Variants in MAPK12 observed in about 807,000 individuals in gnomAD.
The protein encoded by MAPK12 is MAP kinase 12.
MAPK12 carries 49 observed loss-of-function variants against 49.1 expected under a neutral mutation model. That is an observed-to-expected ratio of 1.00 (90% CI 0.79 to 1.27). MAPK12 has a LOEUF of 1.27. Among genes scored for constraint, MAPK12 ranks in the 50% most tolerant of loss-of-function variants. MAPK12 has a pLI of 0.00. For missense variants in MAPK12, 554 were observed against 502.4 expected, an observed-to-expected ratio of 1.10 and a Z score of -0.98; for synonymous variants, 251 against 209.7, an observed-to-expected ratio of 1.20 and a Z score of -1.70.
chr22:50,256,251 A>G, intron 6 of MAPK12, 52 bp from the exon 7 acceptor site: 1 of 1,420,444 alleles, frequency 7.0e-7, no homozygotes, highest in African/African-American at 1.4e-5. Flanking sequence ...AGGAGCGGAC[A>G]GGCCACCCAC....
intron 2 of MAPK12, 118 bp downstream of exon 2, chr22:50,261,049 C>A (rs1601647346): frequency 1.3e-5 from 4 of 296,738 alleles, no homozygotes; most frequent in Admixed American, 1.1e-4. Flanking sequence ...CACGGCCCGA[C>A]CCCCGCCCGG....
chr22:50,255,511 G>A lies in MAPK12; in HGVS notation c.792C>T (p.Gly264=), dbSNP rs1569141600. Residue 264 remains glycine (G), a synonymous_variant, in exon 10 of 12, where the codon GGC becomes GGT. Coordinates refer to ENST00000215659, the MANE Select transcript of MAPK12 (RefSeq NM_002969.6). ...AATCCTTCTTCTCCAATTCGGGGAG[G>A]CCCTTCATGTAGTTCTTGGCCTGTG... ...QSDEAKNYMK[G]LPELEKKDFA... is the part of the protein sequence containing the mutation. 1.9e-6 allele frequency: 3 copies of A among 1,613,190 alleles called. No homozygotes were observed. In the South Asian group the frequency reaches 3.3e-5, roughly 18 times the overall value.
At chr22:50,257,289 C>A in intron 3 of MAPK12, 96 bp from the exon 4 acceptor site, 1 of 894,582 alleles carries the variant, frequency 1.1e-6, no homozygotes, top group Non-Finnish European at 1.8e-6. Flanking sequence ...GTCCCGGATC[C>A]AACAGGCACC....
intron 3 of MAPK12, 90 bp from the exon 4 acceptor site, chr22:50,257,283 C>G: frequency 3.0e-6 from 3 of 1,000,080 alleles, no homozygotes; most frequent in Non-Finnish European, 4.6e-6. Context: ...AGACCCGTCC[C>G]GGATCCAACA....
intron 3 of MAPK12, 81 bp from the exon 4 acceptor site, chr22:50,257,274 G>A: frequency 9.0e-7 from 1 of 1,115,412 alleles, no homozygotes; most frequent in Non-Finnish European, 1.3e-6. Context: ...CCCAGGCTCA[G>A]ACCCGTCCCG....
intron 11 of MAPK12, 171 bp from the exon 12 acceptor site, chr22:50,253,651 C>A (rs1236490421): frequency 1.7e-6 from 1 of 602,468 alleles, no homozygotes; most frequent in South Asian, 1.9e-5. Context: ...TGCTCTAGAT[C>A]TGGATTTTCC....
intron 11 of MAPK12, 22 bp from the exon 12 acceptor site, chr22:50,253,502 G>GGGGGGGGGGGGA: frequency 4.1e-5 from 7 of 171,682 alleles, no homozygotes; most frequent in East Asian, 1.5e-4. Flanking sequence ...GGGGGGGCGG[G>GGGGGGGGGGGGA]CACAACAGAG....
At chr22:50,255,587 C>A in intron 9 of MAPK12, 28 bp downstream of exon 9, 1 of 1,611,962 alleles carries the variant, frequency 6.2e-7, no homozygotes, top group South Asian at 1.1e-5. Context: ...CGCCCCCACC[C>A]CCACCCAGCT....
chr22:50,254,294 G>C (rs927303348), intron 11 of MAPK12: 4 of 152,824 alleles, frequency 2.6e-5, no homozygotes, highest in African/African-American at 9.6e-5. Flanking sequence ...GGCTGGGGGA[G>C]ACAGGCGAGG....
At chr22:50,253,766 C>T (rs2065121962) in intron 11 of MAPK12, 2 of 513,480 alleles carry the variant, frequency 3.9e-6, no homozygotes, top group Non-Finnish European at 7.0e-6. Flanking sequence ...CAGAGAGGAT[C>T]CTATGGCCCA....
chr22:50,257,360 C>T (rs1019735598), intron 3 of MAPK12, among the ~76,000 whole-genome samples, 167 bp from the exon 4 acceptor site: 2 of 152,190 alleles, frequency 1.3e-5, no homozygotes, highest in African/African-American at 4.8e-5. Flanking sequence ...CGCAGCCCCA[C>T]CTTGCAGTGC....
At chr22:50,257,968 A>C (rs771674439) in intron 3 of MAPK12, 1 of 766,004 alleles carries the variant, frequency 1.3e-6, no homozygotes, top group Non-Finnish European at 2.4e-6. Context: ...GGTCAGGTCC[A>C]AGGTTCACAC....
Position 50,253,383 on chromosome 22 carries a change from C to G in MAPK12, c.*18G>C, listed in dbSNP as rs1332236134. 1 of 1,545,352 alleles carries G rather than the reference C, an allele frequency of 6.5e-7. No individual in the cohort carries two copies. The highest frequency in any genetic ancestry group is 8.7e-7 in the Non-Finnish European group (1 of 1,142,990). ...AGGTGAAGGTGGTCCTCACTGCCAC[C>G]CCGGAGCCCAGAGATCTTCACAGAG... On this transcript the variant is annotated 3_prime_UTR_variant, in exon 12 of 12. Transcript: ENST00000215659.
intron 7 of MAPK12, 94 bp downstream of exon 7, chr22:50,255,991 C>T: frequency 1.3e-6 from 2 of 1,500,688 alleles, no homozygotes; most frequent in African/African-American, 1.4e-5. Flanking sequence ...GCTCAACAGC[C>T]TCCCTGGGAG....
chr22:50,253,442 G>A lies in MAPK12; in HGVS notation c.1063C>T (p.Arg355Trp), dbSNP rs1307517554. ...TTGGAGACCCTGGCCCCCAGCTGCC[G>A]GGGAGGCTTGAAGCTGAGCACCTCT... is the stretch of plus-strand genomic sequence containing the variant. Reference protein sequence around the residue: ...YKEVLSFKPPRQLGARVSKET... With the variant: ...YKEVLSFKPPWQLGARVSKET... The change falls in exon 12 of 12, where the codon CGG becomes TGG. Residue 355 changes from arginine (R) to tryptophan (W), a missense_variant. By Grantham distance (101) the Arg-to-Trp change is moderately radical (BLOSUM62 -3). Transcript: ENST00000215659. The A allele has an allele frequency of 1.2e-5, 18 of 1,531,444 alleles. No homozygotes were observed. The highest frequency in any genetic ancestry group is 2.5e-5 in the East Asian group (1 of 39,688). 94.9% of individuals were successfully genotyped at this position (1,531,444 alleles called of 1,614,324 possible).
rs375632510 is a variant in MAPK12 at position 50,256,182 on chromosome 22, C to T, written c.522G>A (p.Leu174=). The change falls in exon 7 of 12, where the codon CTG becomes CTA. Residue 174 remains leucine (L), a synonymous_variant. Transcript: ENST00000215659. Reference sequence around the variant, plus strand: ...TCATCTCACTGTCTGCCTGCCTGGCCAGGCCGAAGTCCAGGATCTGTGGGA... The same window carrying T: ...TCATCTCACTGTCTGCCTGCCTGGCTAGGCCGAAGTCCAGGATCTGTGGGA... ...DCELKILDFG[L]ARQADSEMTG... The T allele has an allele frequency of 1.2e-6, 2 of 1,612,468 alleles. No homozygotes were observed. Among genetic ancestry groups the T allele is most frequent in the Non-Finnish European group, 1.7e-6 (2 of 1,179,800 alleles).
At chr22:50,254,651 C>T in intron 11 of MAPK12, 5 of 1,012,052 alleles carry the variant, frequency 4.9e-6, no homozygotes, top group Non-Finnish European at 5.9e-6. Context: ...GACTCCGTCT[C>T]AAAAAACAAA....
At chr22:50,261,059 GC>G in intron 2 of MAPK12, 107 bp downstream of exon 2, 1 of 1,219,542 alleles carries the variant, frequency 8.2e-7, no homozygotes, top group Non-Finnish European at 1.1e-6. Flanking sequence ...CCCCCGCCCG[GC>G]CCCACAGCAG....
In MAPK12 at chr22:50,257,827, C is replaced by T. The variant is rs2065165670; in HGVS notation, c.314+416G>A. The T allele has an allele frequency of 5.5e-6, 4 of 721,492 alleles. No homozygotes were observed. In the South Asian group the frequency reaches 5.9e-5, roughly 11 times the overall value. The allele number at this position is 721,492 out of a possible 1,614,324, so 44.7% of individuals were successfully genotyped here. ...AGGGTGTGAGTCCCAGGGTGGTCGGCTGCAGGGCAGGGGCAGGGTGGGTCC... is the reference window on the plus strand; with the variant it reads ...AGGGTGTGAGTCCCAGGGTGGTCGGTTGCAGGGCAGGGGCAGGGTGGGTCC... On this transcript the variant is annotated intron_variant, in intron 3 of 11. Transcript: ENST00000215659.
Sources: gnomAD v4.1 joint callset for allele counts (sites outside exome capture counted in the v4.1 genomes callset) on GRCh38, gnomAD v4.1.1 for gene constraint, MANE v1.5 for transcripts, NCBI Gene and HGNC (gene_info 2026-07-23, HGNC 2026-07-21) for gene names.